The following PTPRO variants were observed in gnomAD, a reference collection of about 807,000 sequenced individuals.
The protein encoded by PTPRO is receptor-type tyrosine-protein phosphatase O.
In PTPRO, 62 loss-of-function variants were observed where a neutral mutation model predicts 145.2. That is an observed-to-expected ratio of 0.43 (90% CI 0.35 to 0.53). The LOEUF (loss-of-function observed/expected upper bound fraction) is 0.53. Among genes scored for constraint, PTPRO ranks in the 20% least tolerant of loss-of-function variants. PTPRO has a pLI of 0.01. For missense variants in PTPRO, 1,345 were observed against 1,482.7 expected (o/e 0.91, Z 1.53); for synonymous variants, 565 against 514.7 (o/e 1.10, Z -1.32).
intron 1 of PTPRO, among the ~76,000 whole-genome samples, chr12:15,379,259 C>T (rs1938782153): frequency 6.6e-6 from 1 of 151,732 alleles, no homozygotes; most frequent in African/African-American, 2.4e-5. Context: ...CTGGCTCATG[C>T]CTGTAATCCC....
chr12:15,528,487 T>A (rs1343658099), intron 12 of PTPRO, among the ~76,000 whole-genome samples: 5 of 146,662 alleles, frequency 3.4e-5, no homozygotes, highest in African/African-American at 1.0e-4. Context: ...ATCGCACCAC[T>A]GCACACCAGC....
chr12:15,461,859 C>T (rs985414824), intron 1 of PTPRO, among the ~76,000 whole-genome samples: 1 of 152,032 alleles, frequency 6.6e-6, no homozygotes, highest in Non-Finnish European at 1.5e-5. Context: ...AGCAACCATG[C>T]CTGGCCTGCT....
chr12:15,595,190 T>C, intron 26 of PTPRO, 133 bp downstream of exon 26: 1 of 692,522 alleles, frequency 1.4e-6, no homozygotes, highest in Non-Finnish European at 2.6e-6. Context: ...TCCCAGCTCC[T>C]GGCCTCACAT....
At chr12:15,594,848 C>A in intron 25 of PTPRO, 89 bp from the exon 26 acceptor site, 1 of 915,036 alleles carries the variant, frequency 1.1e-6, no homozygotes, top group Non-Finnish European at 1.7e-6. Flanking sequence ...CCTTTAACAC[C>A]AGATCTTGAT....
intron 1 of PTPRO, among the ~76,000 whole-genome samples, chr12:15,429,634 C>T (rs978252763): frequency 6.6e-6 from 1 of 152,022 alleles, no homozygotes; most frequent in Non-Finnish European, 1.5e-5. Context: ...GAAAGGTTCT[C>T]AAGGTTAAAA....
chr12:15,461,518 C>T (rs1292943281), intron 1 of PTPRO, among the ~76,000 whole-genome samples: 1 of 151,198 alleles, frequency 6.6e-6, no homozygotes, highest in Non-Finnish European at 1.5e-5. Context: ...TCTTCATCTC[C>T]TCCCCCACTG....
chr12:15,482,874 T>C (rs952515044), intron 1 of PTPRO, among the ~76,000 whole-genome samples: 2 of 152,162 alleles, frequency 1.3e-5, no homozygotes, highest in Non-Finnish European at 2.9e-5. Flanking sequence ...ATGAGACTGA[T>C]TTTTTGTACT....
intron 9 of PTPRO, among the ~76,000 whole-genome samples, chr12:15,518,169 A>G (rs1212617028): frequency 6.6e-6 from 1 of 152,146 alleles, no homozygotes; most frequent in African/African-American, 2.4e-5. Context: ...CACAGTCTCA[A>G]CACCACGTGG....
rs1297897988 is a variant in PTPRO at position 15,483,964 on chromosome 12, C to T, written c.76-10C>T. On this transcript the variant is annotated splice_polypyrimidine_tract_variant and intron_variant, in intron 1 of 26. Transcript: ENST00000281171. ...ACCTCCATCTCTTTTTATTCTGTTTCATTCAACAGAATGCTACAGCTTTCC... is the reference window on the plus strand; with the variant it reads ...ACCTCCATCTCTTTTTATTCTGTTTTATTCAACAGAATGCTACAGCTTTCC... The T allele has an allele frequency of 6.2e-7, 1 of 1,611,398 alleles. No homozygotes were observed. Among genetic ancestry groups the T allele is most frequent in the Non-Finnish European group, 8.5e-7 (1 of 1,177,982 alleles).
chr12:15,482,803 A>T lies in PTPRO; in HGVS notation c.76-1171A>T, dbSNP rs530422377. Among the ~76,000 whole-genome samples, 7 of 152,262 alleles carry T rather than the reference A, an allele frequency of 4.6e-5. No individual in the cohort carries two copies. The South Asian group carries it at 1.2e-3, about 27-fold the overall frequency. ...ACAGTCATGTGTTATGTGTTATATG[A>T]CAGACTCAGTGTTAGGACAGTAAGT... On this transcript the variant is annotated intron_variant, in intron 1 of 26. Transcript: ENST00000281171.
rs1250985609 is a variant in PTPRO, at chr12:15,542,864, C to T, written c.2165-3705C>T. Among the ~76,000 whole-genome samples the T allele has an allele frequency of 3.3e-5, 5 of 152,330 alleles. No individual in the cohort carries two copies. The East Asian group carries it at 9.6e-4, about 29-fold the overall frequency. ...CCACATTTCAAGTACGCAACAGCTACATGTGGCTAGTGGCTGTGTTGGACA... is the reference window on the plus strand; with the variant it reads ...CCACATTTCAAGTACGCAACAGCTATATGTGGCTAGTGGCTGTGTTGGACA... On this transcript the variant is annotated intron_variant, in intron 12 of 26. Transcript: ENST00000281171.
chr12:15,362,617 G>T (rs566056380), intron 1 of PTPRO, among the ~76,000 whole-genome samples: 22 of 151,972 alleles, frequency 1.4e-4, no homozygotes, highest in African/African-American at 5.1e-4. Flanking sequence ...TCCTTATATG[G>T]TAGAGTTTAT....
At chr12:15,532,833 G>A (rs1942989348) in intron 12 of PTPRO, among the ~76,000 whole-genome samples, 1 of 152,194 alleles carries the variant, frequency 6.6e-6, no homozygotes, top group Admixed American at 6.5e-5. Context: ...ATTACTTGAA[G>A]ATTGAGCTCA....
chr12:15,364,530 T>C (rs1447375609), intron 1 of PTPRO, among the ~76,000 whole-genome samples: 1 of 152,192 alleles, frequency 6.6e-6, no homozygotes, highest in Admixed American at 6.6e-5. Context: ...TCCTATATCA[T>C]GACAGGTCAG....
At chr12:15,467,849 C>A (rs1941451937) in intron 1 of PTPRO, among the ~76,000 whole-genome samples, 1 of 152,214 alleles carries the variant, frequency 6.6e-6, no homozygotes, top group Non-Finnish European at 1.5e-5. Context: ...ATGATCCACT[C>A]ATACAAAGCA....
At chr12:15,336,922 T>C (rs1482298088) in intron 1 of PTPRO, among the ~76,000 whole-genome samples, 1 of 152,208 alleles carries the variant, frequency 6.6e-6, no homozygotes, top group African/African-American at 2.4e-5. Flanking sequence ...ACACCTGACC[T>C]AAGCCCATGT....
At chr12:15,595,212 G>T (rs1944635233) in intron 26 of PTPRO, 155 bp downstream of exon 26, 5 of 657,386 alleles carry the variant, frequency 7.6e-6, no homozygotes, top group African/African-American at 1.8e-5. Context: ...GGTGGTCACA[G>T]GGAGAAACAA....
rs1421167493 is a variant in PTPRO, at chr12:15,580,032, T to A, written c.2921-7T>A. On this transcript the variant is annotated splice_region_variant and splice_polypyrimidine_tract_variant and intron_variant, in intron 20 of 26. Coordinates refer to ENST00000281171, the MANE Select transcript of PTPRO (RefSeq NM_030667.3). The stretch of plus-strand genomic sequence containing the variant: ...TTTTAATATTTTTTTCTCCTTATTC[T>A]CTACAGATGACTTCAGCCGTGTGAG... The A allele has an allele frequency of 6.2e-7, 1 of 1,611,216 alleles. No individual in the cohort carries two copies. Among genetic ancestry groups the A allele is most frequent in the Non-Finnish European group, 8.5e-7 (1 of 1,178,202 alleles).
chr12:15,481,999 C>T (rs756883934), intron 1 of PTPRO, among the ~76,000 whole-genome samples: 4 of 152,080 alleles, frequency 2.6e-5, no homozygotes, highest in Non-Finnish European at 5.9e-5. Context: ...AGCAATCCCA[C>T]GACTGGGTAT....
Sources: allele counts gnomAD v4.1 joint callset (sites outside exome capture counted in the v4.1 genomes callset), GRCh38; gene constraint gnomAD v4.1.1; transcripts MANE v1.5; gene names NCBI Gene and HGNC (gene_info 2026-07-23, HGNC 2026-07-21).